RNF130: variants seen among roughly 807,000 people sequenced by gnomAD.
The protein encoded by RNF130 is E3 ubiquitin-protein ligase RNF130.
In RNF130, 21 loss-of-function variants were observed where a neutral mutation model predicts 44.6. That is an observed-to-expected ratio of 0.47 (90% CI 0.33 to 0.68). The LOEUF (loss-of-function observed/expected upper bound fraction) is 0.68. Among genes scored for constraint, RNF130 ranks in the 30% least tolerant of loss-of-function variants. The pLI, the probability that RNF130 is intolerant of heterozygous loss-of-function variation, is 0.02. For synonymous variants in RNF130, 214 were observed against 210.4 expected, an observed-to-expected ratio of 1.02 and a Z score of -0.15; for missense variants, 479 against 560.6, an observed-to-expected ratio of 0.85 and a Z score of 1.47.
At chr5:180,053,520 G>A (rs1764735243) in intron 1 of RNF130, among the ~76,000 whole-genome samples, 1 of 152,198 alleles carries the variant, frequency 6.6e-6, no homozygotes, top group Non-Finnish European at 1.5e-5. Flanking sequence ...AACACAAGAT[G>A]ATGGTACAGG....
chr5:179,998,487 G>A (rs889045530), intron 3 of RNF130, among the ~76,000 whole-genome samples: 1 of 151,976 alleles, frequency 6.6e-6, no homozygotes, highest in Non-Finnish European at 1.5e-5. Flanking sequence ...ACTAAGAAAC[G>A]CCATCTCACT....
At chr5:180,067,893 C>G (rs1945070831) in intron 1 of RNF130, among the ~76,000 whole-genome samples, 1 of 152,230 alleles carries the variant, frequency 6.6e-6, no homozygotes, top group African/African-American at 2.4e-5. Context: ...TTCTAAAAAC[C>G]GATTTCAGAT....
At chr5:180,012,413 A>G (rs1249635648) in intron 3 of RNF130, among the ~76,000 whole-genome samples, 1 of 152,160 alleles carries the variant, frequency 6.6e-6, no homozygotes, top group Non-Finnish European at 1.5e-5. Context: ...TCCACAGCAC[A>G]TCAATCAAAC....
chr5:180,038,093 G>A (rs1183671455), intron 2 of RNF130, among the ~76,000 whole-genome samples: 1 of 152,122 alleles, frequency 6.6e-6, no homozygotes, highest in East Asian at 1.9e-4. Context: ...TAACTCTGTT[G>A]TCCAGGACGC....
chr5:179,931,229 T>C (rs78617726), intron 7 of RNF130, among the ~76,000 whole-genome samples: 4,505 of 152,192 alleles, frequency 0.03, 254 homozygotes, highest in African/African-American at 0.1. Flanking sequence ...GTAACACTGA[T>C]GGCGATACAG....
chr5:179,937,758 C>A (rs957843497), intron 7 of RNF130, among the ~76,000 whole-genome samples: 4 of 152,096 alleles, frequency 2.6e-5, no homozygotes, highest in Non-Finnish European at 4.4e-5. Context: ...CCAATGTTCA[C>A]AGTATTGTTC....
chr5:180,012,671 A>G (rs1251160669), intron 3 of RNF130, among the ~76,000 whole-genome samples: 4 of 152,194 alleles, frequency 2.6e-5, no homozygotes, highest in African/African-American at 9.6e-5. Flanking sequence ...CAAAATTCAC[A>G]TGGGAAAGAA....
At chr5:179,999,118 G>GTTGCCTTGCAGA (rs1299065632) in intron 3 of RNF130, among the ~76,000 whole-genome samples, 1 of 151,616 alleles carries the variant, frequency 6.6e-6, no homozygotes, top group African/African-American at 2.4e-5. Flanking sequence ...TGCCTTGCAG[G>GTTGCCTTGCAGA]TTCAAGCGAT....
At chr5:179,998,150 T>C (rs1763246456) in intron 3 of RNF130, among the ~76,000 whole-genome samples, 1 of 152,220 alleles carries the variant, frequency 6.6e-6, no homozygotes, top group Non-Finnish European at 1.5e-5. Flanking sequence ...GTTTTTGCTT[T>C]TATAGTTCCT....
At chr5:180,047,523 T>C (rs1764593205) in intron 1 of RNF130, among the ~76,000 whole-genome samples, 1 of 152,116 alleles carries the variant, frequency 6.6e-6, no homozygotes, top group Non-Finnish European at 1.5e-5. Context: ...GGCAGGCAGA[T>C]CACCTGAGGT....
chr5:179,916,623 T>C (rs1379826535), exon 8 of RNF130: 1 of 152,244 alleles, frequency 6.6e-6, no homozygotes, highest in Non-Finnish European at 1.5e-5. Flanking sequence ...GCCTCGTGAA[T>C]GTGCCTCGCA....
intron 5 of RNF130, among the ~76,000 whole-genome samples, chr5:179,971,600 A>G (rs1320851281): frequency 6.6e-6 from 1 of 152,086 alleles, no homozygotes; most frequent in Non-Finnish European, 1.5e-5. Context: ...CCATCTCCTG[A>G]CCTCGTGATC....
intron 1 of RNF130, among the ~76,000 whole-genome samples, chr5:180,062,534 G>C (rs1375973441): frequency 6.6e-6 from 1 of 152,180 alleles, no homozygotes; most frequent in Non-Finnish European, 1.5e-5. Context: ...CACCCTTTAA[G>C]TGGAATATTA....
intron 3 of RNF130, among the ~76,000 whole-genome samples, chr5:179,982,368 A>G (rs1762858774): frequency 1.3e-5 from 2 of 151,952 alleles, no homozygotes; most frequent in African/African-American, 4.8e-5. Flanking sequence ...AATTCTTTGC[A>G]TGGACATATG....
At chr5:180,032,475 G>A (rs764064209) in intron 2 of RNF130, among the ~76,000 whole-genome samples, 1 of 152,086 alleles carries the variant, frequency 6.6e-6, no homozygotes, top group Non-Finnish European at 1.5e-5. Context: ...GGGCTCAAGT[G>A]ATTCTACCAC....
chr5:180,001,086 T>C (rs1393415788), intron 3 of RNF130, among the ~76,000 whole-genome samples: 3 of 152,164 alleles, frequency 2.0e-5, no homozygotes, highest in African/African-American at 4.8e-5. Flanking sequence ...GTGGTGACTA[T>C]TTCTGGATAG....
intron 2 of RNF130, among the ~76,000 whole-genome samples, chr5:180,019,122 C>T (rs1051459339): frequency 2.6e-5 from 4 of 152,184 alleles, no homozygotes; most frequent in Non-Finnish European, 5.9e-5. Flanking sequence ...GGGTGGCTCA[C>T]GCCTGTAATC....
chr5:179,951,474 C>T (rs1457307926), downstream of RNF130, among the ~76,000 whole-genome samples: 2 of 151,696 alleles, frequency 1.3e-5, no homozygotes, highest in Non-Finnish European at 2.9e-5. Context: ...AACTCCGCCT[C>T]CCGGGTTCAC....
chr5:179,935,293 T>C (rs189072977), intron 7 of RNF130, among the ~76,000 whole-genome samples: 1 of 152,214 alleles, frequency 6.6e-6, no homozygotes, highest in Non-Finnish European at 1.5e-5. Flanking sequence ...TATAAGTCTA[T>C]CTTAGTAAAT....
Sources: gnomAD v4.1 joint callset for allele counts (sites outside exome capture counted in the v4.1 genomes callset) on GRCh38, gnomAD v4.1.1 for gene constraint, MANE v1.5 for transcripts, NCBI Gene and HGNC (gene_info 2026-07-23, HGNC 2026-07-21) for gene names.